FGF14: variants seen among roughly 807,000 people sequenced by gnomAD.
The protein encoded by FGF14 is fibroblast growth factor homologous factor 4.
In FGF14, 5 loss-of-function variants were observed where a neutral mutation model predicts 25.5. That is an observed-to-expected ratio of 0.20 (90% CI 0.10 to 0.41). The LOEUF (loss-of-function observed/expected upper bound fraction) is 0.41, where lower values mean the gene tolerates loss of function less well. FGF14 is among the 10% of genes least tolerant of loss of function. The pLI, the probability that FGF14 is intolerant of heterozygous loss-of-function variation, is 1.00. For synonymous variants in FGF14, 138 were observed against 118.3 expected (o/e 1.17, Z -1.08); for missense variants, 222 against 320.1 (o/e 0.69, Z 2.34).
intron 1 of FGF14, among the ~76,000 whole-genome samples, chr13:102,277,415 C>A (rs1053248079): frequency 2.6e-5 from 4 of 152,228 alleles, no homozygotes; most frequent in Non-Finnish European, 4.4e-5. Context: ...GCCCTCCCTC[C>A]CAGGCAAGAG....
rs145872387 is a variant in FGF14, at chr13:102,013,545, T to A, written c.209-138249A>T. On this transcript the variant is annotated intron_variant, in intron 1 of 4. Coordinates refer to the FGF14 transcript ENST00000376131. ...GTTTAAGATGTTCCCCACTGAAACATGAATTTATAAATAAACAGATGAATA... is the reference window on the plus strand; with the variant it reads ...GTTTAAGATGTTCCCCACTGAAACAAGAATTTATAAATAAACAGATGAATA... Among the ~76,000 whole-genome samples the A allele has an allele frequency of 6.0e-3, 909 of 152,276 alleles. 9 individuals carry two copies. The highest frequency in any genetic ancestry group is 0.02 in the African/African-American group (852 of 41,570).
At chr13:102,378,619 CTATCTATCTATCTA>C (rs1340629733) in intron 1 of FGF14, among the ~76,000 whole-genome samples, 1 of 132,720 alleles carries the variant, frequency 7.5e-6, no homozygotes, top group African/African-American at 3.0e-5. Context: ...ATCTATCTAT[CTATCTATCTATCTA>C]TATATATATA....
intron 3 of FGF14, among the ~76,000 whole-genome samples, chr13:101,735,319 T>A (rs1010423376): frequency 6.6e-6 from 1 of 152,178 alleles, no homozygotes; most frequent in African/African-American, 2.4e-5. Flanking sequence ...CTCATTCAAC[T>A]AGACATAGAA....
At chr13:102,230,893 A>G (rs1194760819) in intron 1 of FGF14, among the ~76,000 whole-genome samples, 4 of 152,242 alleles carry the variant, frequency 2.6e-5, no homozygotes, top group Non-Finnish European at 5.9e-5. Context: ...TATCATTAAC[A>G]TTCAAACTAA....
chr13:102,064,749 A>T, intron 1 of FGF14, among the ~76,000 whole-genome samples: 1 of 152,128 alleles, frequency 6.6e-6, no homozygotes, highest in Non-Finnish European at 1.5e-5. Context: ...AAAACAATAA[A>T]GTATAACAAT....
chr13:102,004,288 A>G (rs2039664381), intron 1 of FGF14, among the ~76,000 whole-genome samples: 2 of 152,178 alleles, frequency 1.3e-5, no homozygotes, highest in African/African-American at 4.8e-5. Context: ...ACATTTGAGG[A>G]GAGAAAAGAG....
chr13:101,970,015 A>C (rs1173522844), intron 1 of FGF14, among the ~76,000 whole-genome samples: 2 of 152,198 alleles, frequency 1.3e-5, no homozygotes, highest in Admixed American at 1.3e-4. Flanking sequence ...GCAATCTCTT[A>C]ATCTCTCTTG....
At chr13:101,890,994 A>G (rs193296352) in intron 1 of FGF14, among the ~76,000 whole-genome samples, 54 of 152,192 alleles carry the variant, frequency 3.5e-4, no homozygotes, top group African/African-American at 1.2e-3. Context: ...GATCACCAAG[A>G]TCCAGTGGAT....
intron 1 of FGF14, among the ~76,000 whole-genome samples, chr13:102,009,032 C>A (rs776989290): frequency 4.6e-5 from 7 of 152,040 alleles, no homozygotes; most frequent in Non-Finnish European, 1.0e-4. Flanking sequence ...AAAAAAATTT[C>A]TCCTTTAATA....
intron 1 of FGF14, among the ~76,000 whole-genome samples, chr13:102,111,307 C>A (rs1302175281): frequency 1.3e-5 from 2 of 152,328 alleles, no homozygotes; most frequent in Non-Finnish European, 2.9e-5. Context: ...TATCTCTTGA[C>A]AGCCTCAAAA....
At chr13:101,963,462 TC>T (rs892856117) in intron 1 of FGF14, among the ~76,000 whole-genome samples, 4 of 152,112 alleles carry the variant, frequency 2.6e-5, no homozygotes, top group African/African-American at 9.7e-5. Context: ...CACCCTTTTT[TC>T]CCCCTATGTC....
At chr13:102,363,940 A>G (rs1292614643) in intron 1 of FGF14, among the ~76,000 whole-genome samples, 1 of 152,134 alleles carries the variant, frequency 6.6e-6, no homozygotes, top group Non-Finnish European at 1.5e-5. Flanking sequence ...AAAGATCTTG[A>G]CTACCATTTT....
intron 3 of FGF14, among the ~76,000 whole-genome samples, chr13:101,819,792 A>G (rs967343031): frequency 6.6e-6 from 1 of 152,206 alleles, no homozygotes; most frequent in Non-Finnish European, 1.5e-5. Flanking sequence ...GATAAGAGAG[A>G]AAACATGTCC....
chr13:101,936,507 G>T (rs956576855), intron 1 of FGF14, among the ~76,000 whole-genome samples: 1 of 152,318 alleles, frequency 6.6e-6, no homozygotes, highest in East Asian at 1.9e-4. Context: ...GCAGGTGACT[G>T]TGGATAGGAA....
intron 1 of FGF14, among the ~76,000 whole-genome samples, chr13:102,267,764 A>G (rs2053060549): frequency 6.6e-6 from 1 of 152,172 alleles, no homozygotes; most frequent in South Asian, 2.1e-4. Flanking sequence ...GTATTTTACA[A>G]TCATGTAAAG....
intron 1 of FGF14, among the ~76,000 whole-genome samples, chr13:102,224,257 G>A (rs1270868619): frequency 6.6e-6 from 1 of 151,964 alleles, no homozygotes; most frequent in Non-Finnish European, 1.5e-5. Flanking sequence ...GTATTACATC[G>A]GCAGGGTCTT....
chr13:102,165,237 C>G (rs533924552), intron 1 of FGF14, among the ~76,000 whole-genome samples: 2 of 151,978 alleles, frequency 1.3e-5, no homozygotes, highest in African/African-American at 2.4e-5. Context: ...CTAGTTCAAC[C>G]ATTGTGGAAG....
At chr13:101,774,936 T>C (rs1159207697) in intron 3 of FGF14, among the ~76,000 whole-genome samples, 1 of 127,006 alleles carries the variant, frequency 7.9e-6, no homozygotes, top group African/African-American at 3.1e-5. Context: ...GCCATTGCCC[T>C]CCAGCCTGGG....
At chr13:101,731,582 T>C (rs1424139603) in intron 3 of FGF14, among the ~76,000 whole-genome samples, 2 of 152,220 alleles carry the variant, frequency 1.3e-5, no homozygotes, top group Non-Finnish European at 2.9e-5. Flanking sequence ...AGAATTCCTC[T>C]TCTGAGGGAA....
Sources: allele counts gnomAD v4.1 joint callset (sites outside exome capture counted in the v4.1 genomes callset), GRCh38; gene constraint gnomAD v4.1.1; transcripts MANE v1.5; gene names NCBI Gene and HGNC (gene_info 2026-07-23, HGNC 2026-07-21).